Variants in LUZP2 observed in about 807,000 individuals in gnomAD.
LUZP2 encodes the protein leucine zipper protein 2.
A neutral mutation model predicts 51.6 loss-of-function variants in LUZP2; 52 were observed. That is an observed-to-expected ratio of 1.01 (90% CI 0.81 to 1.27). The LOEUF is 1.27. Ranked by LOEUF, LUZP2 falls within the 50% of genes most tolerant of loss-of-function variation. The pLI, the probability that LUZP2 is intolerant of heterozygous loss-of-function variation, is 0.00. For missense variants in LUZP2, 436 were observed against 395.4 expected (o/e 1.10, Z -0.87); for synonymous variants, 154 against 137.3 (o/e 1.12, Z -0.85).
chr11:24,674,708 G>GA (rs574433287), intron 1 of LUZP2, among the ~76,000 whole-genome samples: 4 of 150,936 alleles, frequency 2.7e-5, no homozygotes, highest in Admixed American at 1.3e-4. Context: ...ACACAGAGAA[G>GA]AAAAAAAAAG....
At chr11:24,918,701 A>T (rs939712464) in intron 7 of LUZP2, among the ~76,000 whole-genome samples, 4 of 151,516 alleles carry the variant, frequency 2.6e-5, no homozygotes, top group African/African-American at 9.7e-5. Flanking sequence ...GTCAAAAAAT[A>T]TAAAGCCAAA....
chr11:24,591,428 A>T (rs2133842845), intron 1 of LUZP2, among the ~76,000 whole-genome samples: 1 of 152,318 alleles, frequency 6.6e-6, no homozygotes, highest in Non-Finnish European at 1.5e-5. Flanking sequence ...GGATTCAATT[A>T]CCTTCTACTT....
chr11:24,716,197 T>G (rs1355126670), intron 1 of LUZP2, among the ~76,000 whole-genome samples: 1 of 152,202 alleles, frequency 6.6e-6, no homozygotes, highest in Non-Finnish European at 1.5e-5. Context: ...ACAGGCTGAA[T>G]GGAAGTTTGT....
At chr11:25,068,419 A>G (rs1269872172) in intron 10 of LUZP2, among the ~76,000 whole-genome samples, 1 of 152,008 alleles carries the variant, frequency 6.6e-6, no homozygotes, top group Non-Finnish European at 1.5e-5. Context: ...AACTCCAAAT[A>G]TTTGAGTATT....
intron 1 of LUZP2, among the ~76,000 whole-genome samples, chr11:24,604,844 T>C (rs941709409): frequency 2.0e-5 from 3 of 151,958 alleles, no homozygotes; most frequent in South Asian, 4.1e-4. Context: ...AAATACCCAC[T>C]ATGATTTGGT....
chr11:24,958,647 A>G (rs935221859), intron 7 of LUZP2, among the ~76,000 whole-genome samples: 7 of 151,772 alleles, frequency 4.6e-5, no homozygotes, highest in African/African-American at 1.7e-4. Flanking sequence ...TAGATTCTGG[A>G]TATTAGCCCT....
chr11:24,749,870 C>T (rs1271107771), intron 4 of LUZP2, among the ~76,000 whole-genome samples: 1 of 152,112 alleles, frequency 6.6e-6, no homozygotes, highest in African/African-American at 2.4e-5. Flanking sequence ...GCTTTTGAGG[C>T]TTTTGGATTC....
At chr11:24,540,292 TTTACTTATTGAAACTCTATCCCTCC>T (rs1851317644) in intron 1 of LUZP2, among the ~76,000 whole-genome samples, 1 of 152,080 alleles carries the variant, frequency 6.6e-6, no homozygotes, top group Admixed American at 6.6e-5. Context: ...CTCTCCCAAA[TTTACTTATTGAAACTCTATCCCTCC>T]AATATGATGG....
intron 7 of LUZP2, among the ~76,000 whole-genome samples, chr11:24,927,153 T>G (rs1423853972): frequency 6.6e-6 from 1 of 151,894 alleles, no homozygotes; most frequent in Non-Finnish European, 1.5e-5. Context: ...TTCTGGATAT[T>G]AATCCTTTGT....
intron 11 of LUZP2, 117 bp from the exon 12 acceptor site, chr11:25,078,437 C>G: frequency 2.8e-6 from 2 of 722,338 alleles, no homozygotes; most frequent in South Asian, 1.8e-5. Flanking sequence ...TTCATTTTCT[C>G]TAAGATATTT....
At chr11:24,610,894 A>G (rs1407392692) in intron 1 of LUZP2, among the ~76,000 whole-genome samples, 1 of 152,178 alleles carries the variant, frequency 6.6e-6, no homozygotes, top group African/African-American at 2.4e-5. Context: ...GCAGTGAGTC[A>G]AAGTTGCACC....
chr11:25,008,818 A>G (rs113172781), intron 9 of LUZP2, among the ~76,000 whole-genome samples: 6 of 152,228 alleles, frequency 3.9e-5, no homozygotes, highest in African/African-American at 1.4e-4. Context: ...TCCAGGGTAT[A>G]TATGGATTCA....
intron 7 of LUZP2, among the ~76,000 whole-genome samples, chr11:24,929,258 G>C: frequency 6.6e-6 from 1 of 151,836 alleles, no homozygotes. Context: ...TCTTCTGCTG[G>C]GTTCAAGTTT....
chr11:24,548,723 G>C (rs1851635201), intron 1 of LUZP2, among the ~76,000 whole-genome samples: 1 of 151,688 alleles, frequency 6.6e-6, no homozygotes, highest in African/African-American at 2.4e-5. Flanking sequence ...CAAAGAAATA[G>C]ATAAAATAAA....
chr11:24,831,589 C>A lies in LUZP2; in HGVS notation c.396+68281C>A, dbSNP rs145309043. On this transcript the variant is annotated intron_variant, in intron 5 of 11. Coordinates refer to ENST00000336930, the MANE Select transcript of LUZP2 (RefSeq NM_001009909.4). Reference sequence around the variant, plus strand: ...TTCCAGAAACTTACAAAGTTACTGTCTCTTAAAATTACATATAATGAAGAG... The same window carrying A: ...TTCCAGAAACTTACAAAGTTACTGTATCTTAAAATTACATATAATGAAGAG... Among the ~76,000 whole-genome samples the A allele has an allele frequency of 5.6e-4, 85 of 152,266 alleles. No homozygotes were observed. In the East Asian group the frequency reaches 0.016, roughly 28 times the overall value.
chr11:24,843,547 T>C (rs972830525), intron 5 of LUZP2, among the ~76,000 whole-genome samples: 2 of 152,142 alleles, frequency 1.3e-5, no homozygotes, highest in Admixed American at 6.6e-5. Context: ...TGAAATAAAA[T>C]AATATTAACC....
intron 5 of LUZP2, among the ~76,000 whole-genome samples, chr11:24,822,225 T>C (rs1850383311): frequency 6.6e-6 from 1 of 152,168 alleles, no homozygotes; most frequent in Non-Finnish European, 1.5e-5. Context: ...TCTAATTTTA[T>C]TTTTCATTTC....
intron 5 of LUZP2, among the ~76,000 whole-genome samples, chr11:24,885,080 A>T (rs904849463): frequency 1.3e-5 from 2 of 152,090 alleles, no homozygotes; most frequent in African/African-American, 4.8e-5. Context: ...AGACAGAGAG[A>T]CATATCATCA....
intron 7 of LUZP2, among the ~76,000 whole-genome samples, chr11:24,952,235 A>T (rs1855098863): frequency 6.6e-6 from 1 of 151,746 alleles, no homozygotes; most frequent in Admixed American, 6.6e-5. Context: ...TCGTGATCAC[A>T]TTTAAAAGTG....
Sources: allele counts gnomAD v4.1 joint callset (sites outside exome capture counted in the v4.1 genomes callset), GRCh38; gene constraint gnomAD v4.1.1; transcripts MANE v1.5; gene names NCBI Gene and HGNC (gene_info 2026-07-23, HGNC 2026-07-21).